The following SPATA13 variants were observed in gnomAD, a reference collection of about 807,000 sequenced individuals.
The protein encoded by SPATA13 is spermatogenesis-associated protein 13.
A neutral mutation model predicts 104.0 loss-of-function variants in SPATA13; 50 were observed. The ratio of observed to expected loss-of-function variants is 0.48; its 90% CI spans 0.38 to 0.61. The LOEUF (loss-of-function observed/expected upper bound fraction) is 0.61. SPATA13 is among the 20% of genes least tolerant of loss of function. The pLI is 0.00. For synonymous variants in SPATA13, 606 were observed against 667.5 expected (o/e 0.91, Z 1.42); for missense variants, 1,524 against 1,690.6 (o/e 0.90, Z 1.73).
intron 1 of SPATA13, among the ~76,000 whole-genome samples, chr13:24,207,553 C>G (rs1470398540): frequency 2.5e-5 from 2 of 81,016 alleles, no homozygotes; most frequent in Non-Finnish European, 5.2e-5. Flanking sequence ...CAACAGTACA[C>G]CCGGGTTCGT....
At chr13:24,136,382 A>G (rs1881567643) in intron 3 of SPATA13, among the ~76,000 whole-genome samples, 2 of 152,174 alleles carry the variant, frequency 1.3e-5, no homozygotes, top group African/African-American at 4.8e-5. Context: ...AGGCTGGGGC[A>G]GGAGAACTGC....
rs529724136 is a variant in SPATA13 at position 24,030,002 on chromosome 13, A to T, written c.-112+12301A>T. On this transcript the variant is annotated intron_variant, in intron 3 of 14. Transcript: ENST00000424834. ...AGTATTCCATGGGAATTCATAGCAA[A>T]ATTGAGTGGAAAGTAGAGTTCTCAT... 3.9e-5 allele frequency among the ~76,000 whole-genome samples: 6 copies of T among 152,030 alleles called. No individual in the cohort carries two copies. In the East Asian group the frequency reaches 7.7e-4, roughly 20 times the overall value.
At chr13:24,133,897 G>A (rs1049414161) in intron 3 of SPATA13, among the ~76,000 whole-genome samples, 5 of 152,212 alleles carry the variant, frequency 3.3e-5, no homozygotes, top group Admixed American at 6.5e-5. Context: ...GACAGCCTGC[G>A]TAGAATCAGA....
At chr13:24,283,987 A>C in intron 4 of SPATA13, 148 bp from the exon 5 acceptor site, 1 of 772,394 alleles carries the variant, frequency 1.3e-6, no homozygotes, top group Non-Finnish European at 2.0e-6. Context: ...ACTTTGGAGT[A>C]ATGTAGACAT....
In SPATA13 at chr13:24,119,814, C is replaced by T. The variant is rs139276202; in HGVS notation, c.-112+102113C>T. Among the ~76,000 whole-genome samples, 10 of 152,260 alleles carry T rather than the reference C, an allele frequency of 6.6e-5. No homozygotes were observed. In the East Asian group the frequency reaches 1.2e-3, roughly 18 times the overall value. On this transcript the variant is annotated intron_variant, in intron 3 of 14. Coordinates refer to the SPATA13 transcript ENST00000424834. ...TCCCAAGGCCCAAGACCCGGCCAGCCCCCACCGTGCATGGCAGGCAGAGCT... is the reference window on the plus strand; with the variant it reads ...TCCCAAGGCCCAAGACCCGGCCAGCTCCCACCGTGCATGGCAGGCAGAGCT...
rs1242154357 is a variant in SPATA13 at position 24,249,488 on chromosome 13, T to A, written c.1665T>A (p.Asp555Glu). Residue 555 changes from aspartate (D) to glutamate (E), a missense_variant, in exon 3 of 13, where the codon GAT (aspartate) becomes GAA (glutamate). Transcript: ENST00000382108. ...EEKEKEEVVP[D>E]GPWRRSSSQD... ...TTCGCATTTGAAAGGTCGTCCCTGATGGCCCCTGGAGGCGAAGCTCATCAC... is the reference window on the plus strand; with the variant it reads ...TTCGCATTTGAAAGGTCGTCCCTGAAGGCCCCTGGAGGCGAAGCTCATCAC... 8 of 1,566,542 alleles carry A rather than the reference T, an allele frequency of 5.1e-6. No individual in the cohort carries two copies. The highest frequency in any genetic ancestry group is 6.1e-6 in the Non-Finnish European group (7 of 1,154,800).
chr13:24,033,643 T>C (rs1570890), intron 3 of SPATA13: 138,752 of 152,392 alleles, frequency 0.91, 63,324 homozygotes, highest in East Asian at 1. Flanking sequence ...TGGTGTGGCA[T>C]TGAGTGGCTG....
chr13:24,034,574 G>A (rs1012519975), intron 3 of SPATA13: 2 of 152,178 alleles, frequency 1.3e-5, no homozygotes, highest in Non-Finnish European at 2.9e-5. Flanking sequence ...TAAGGCAACC[G>A]TTTTATTATT....
At chr13:24,188,798 G>A (rs1224781316) in intron 1 of SPATA13, among the ~76,000 whole-genome samples, 1 of 152,172 alleles carries the variant, frequency 6.6e-6, no homozygotes, top group African/African-American at 2.4e-5. Flanking sequence ...TCAGTGTCTG[G>A]TTTCAGAGCT....
chr13:24,064,529 C>G (rs1173811272), intron 3 of SPATA13, among the ~76,000 whole-genome samples: 1 of 151,966 alleles, frequency 6.6e-6, no homozygotes, highest in Non-Finnish European at 1.5e-5. Context: ...ATAAAAGAGC[C>G]CCCAGAGAAC....
intron 1 of SPATA13, among the ~76,000 whole-genome samples, chr13:24,222,264 G>A (rs1003521406): frequency 2.0e-5 from 3 of 152,188 alleles, no homozygotes; most frequent in Non-Finnish European, 2.9e-5. Flanking sequence ...GGCCCTGTGA[G>A]GCTCTCAGTT....
chr13:24,012,719 C>T (rs1876528323), intron 2 of SPATA13, among the ~76,000 whole-genome samples: 1 of 152,264 alleles, frequency 6.6e-6, no homozygotes, highest in Admixed American at 6.5e-5. Flanking sequence ...CAGCACCTGC[C>T]TTGCTGGGAA....
chr13:24,286,624 C>G lies in SPATA13; in HGVS notation c.2482-141C>G. 1.2e-6 allele frequency: 1 copy of G among 868,160 alleles called. No homozygotes were observed. Among genetic ancestry groups the G allele is most frequent in the Non-Finnish European group, 1.7e-6 (1 of 575,634 alleles). The allele number at this position is 868,160 out of a possible 1,614,324, so 53.8% of individuals were successfully genotyped here. On this transcript the variant is annotated intron_variant, in intron 6 of 12. Transcript: ENST00000382108. This position sits in a 1 kb window ranked among gnomAD's most constrained non-coding sequence, Gnocchi z 4.9. The stretch of plus-strand genomic sequence containing the variant: ...GCCTGCTGGCATAGCCGCAGCCCTG[C>G]TGAGGCCATGAGACTCAGGCGAGGG...
intron 3 of SPATA13, among the ~76,000 whole-genome samples, chr13:24,106,286 G>T (rs1880449882): frequency 6.6e-6 from 1 of 152,088 alleles, no homozygotes; most frequent in African/African-American, 2.4e-5. Flanking sequence ...TTCTGCCTTG[G>T]CCTCCCAAAA....
rs186830493 is a variant in SPATA13 at position 24,009,347 on chromosome 13, C to G, written c.-146-8320C>G. Among the ~76,000 whole-genome samples, 120 of 152,318 alleles carry G rather than the reference C, an allele frequency of 7.9e-4. 1 individual carries two copies. Among genetic ancestry groups the G allele is most frequent in the Middle Eastern group, 3.4e-3 (1 of 294 alleles). ...GTTACTGTCAATGAAAAGAATCACA[C>G]TCTGTAAAATATTTGAAGGGATTCA... is the stretch of plus-strand genomic sequence containing the variant. On this transcript the variant is annotated intron_variant, in intron 2 of 14. Coordinates refer to the SPATA13 transcript ENST00000424834.
chr13:24,190,280 A>AT (rs1464468165), intron 1 of SPATA13, among the ~76,000 whole-genome samples: 393 of 11,958 alleles, frequency 0.033, 156 homozygotes, highest in Admixed American at 0.05. Context: ...ATTATTATAT[A>AT]TAATATATAA....
chr13:24,132,058 C>G (rs1457214360), intron 3 of SPATA13, among the ~76,000 whole-genome samples: 4 of 152,180 alleles, frequency 2.6e-5, no homozygotes, highest in African/African-American at 9.7e-5. Context: ...TCTGAGAATG[C>G]TTTTTGAAGG....
At chr13:24,298,081 T>A (rs1408894133) in intron 11 of SPATA13, among the ~76,000 whole-genome samples, 1 of 152,188 alleles carries the variant, frequency 6.6e-6, no homozygotes, top group Non-Finnish European at 1.5e-5. Flanking sequence ...GGCCCACTCT[T>A]GCACTGTGGC....
chr13:24,014,170 T>A (rs1177081646), intron 2 of SPATA13, among the ~76,000 whole-genome samples: 3 of 152,186 alleles, frequency 2.0e-5, no homozygotes, highest in Non-Finnish European at 2.9e-5. Context: ...GCCCAGCCCT[T>A]CTCCCAGTTC....
Sources: gnomAD v4.1 joint callset for allele counts (sites outside exome capture counted in the v4.1 genomes callset) on GRCh38, gnomAD v4.1.1 for gene constraint, Gnocchi (gnomAD v3.1) non-coding constraint, MANE v1.5 for transcripts, NCBI Gene and HGNC (gene_info 2026-07-23, HGNC 2026-07-21) for gene names.